Variants in U2SURP observed in about 807,000 individuals in gnomAD.
U2SURP encodes U2 snRNP associated SURP domain containing.
In U2SURP, 9 loss-of-function variants were observed where a neutral mutation model predicts 144.9. That is an observed-to-expected ratio of 0.06 (90% confidence interval 0.04 to 0.11). U2SURP has a LOEUF of 0.11. U2SURP is among the 10% of genes least tolerant of loss of function. The pLI is 1.00. For synonymous variants in U2SURP, 408 were observed against 396.8 expected (o/e 1.03, Z -0.33); for missense variants, 724 against 1,226.7 (o/e 0.59, Z 6.12).
At chr3:143,040,025 G>GT (rs1473317444) in intron 23 of U2SURP, among the ~76,000 whole-genome samples, 1 of 151,888 alleles carries the variant, frequency 6.6e-6, no homozygotes, top group African/African-American at 2.4e-5. Context: ...TAAAACAGTG[G>GT]TTTTCTGAAC....
chr3:143,009,682 T>G (rs1936022426), intron 1 of U2SURP, among the ~76,000 whole-genome samples: 1 of 152,150 alleles, frequency 6.6e-6, no homozygotes, highest in Non-Finnish European at 1.5e-5. Flanking sequence ...GATTTTTGCC[T>G]ATGCTAATGC....
Position 143,037,215 on chromosome 3 carries a change from G to A in U2SURP, c.2101G>A (p.Glu701Lys). The A allele has an allele frequency of 6.2e-7, 1 of 1,612,426 alleles. No homozygotes were observed. ...TGACCTTGATGGTGCCCCCATCGAGGAAGAGCTTGATGGTGCACCTCTGGA... is the reference window on the plus strand; with the variant it reads ...TGACCTTGATGGTGCCCCCATCGAGAAAGAGCTTGATGGTGCACCTCTGGA... The part of the protein sequence containing the change: ...PDDLDGAPIE[E>K]ELDGAPLEDV... The change falls in exon 21 of 28, where the codon GAA becomes AAA. Residue 701 changes from glutamate (E) to lysine (K), a missense_variant. Glu to Lys is a moderately conservative substitution (Grantham distance 56, BLOSUM62 1). This residue lies in a region of U2SURP where 116 missense variants were observed against 167.9 expected (regional missense o/e 0.69). Coordinates refer to ENST00000473835, the MANE Select transcript of U2SURP (RefSeq NM_001080415.2).
chr3:143,027,256 G>C lies in U2SURP; in HGVS notation c.1379+3G>C. The C allele has an allele frequency of 1.9e-6, 3 of 1,608,816 alleles. No homozygotes were observed. The highest frequency in any genetic ancestry group is 1.7e-6 in the Non-Finnish European group (2 of 1,176,684). ...GAAATCAACAATCCTATGTTCAGGTGTGCATTTTTTAAAAATTGTGAAATA... is the reference window on the plus strand; with the variant it reads ...GAAATCAACAATCCTATGTTCAGGTCTGCATTTTTTAAAAATTGTGAAATA... On this transcript the variant is annotated splice_donor_region_variant and intron_variant, in intron 14 of 27. Coordinates refer to ENST00000473835, the MANE Select transcript of U2SURP (RefSeq NM_001080415.2).
At position 143,048,762 on chromosome 3, in the gene U2SURP, G is replaced by C. The variant is rs575291647; in HGVS notation, c.2545-2177G>C. ...AAAATACAAAAATTAGTCAGGCATG[G>C]AGGCTGAGGCAGGAGAATTGCTTGA... On this transcript the variant is annotated intron_variant, in intron 24 of 27. Coordinates refer to ENST00000473835, the MANE Select transcript of U2SURP (RefSeq NM_001080415.2). Among the ~76,000 whole-genome samples, 12 of 151,832 alleles carry C rather than the reference G, an allele frequency of 7.9e-5. No individual in the cohort carries two copies. In the East Asian group the frequency reaches 2.3e-3, roughly 30 times the overall value.
At chr3:143,006,378 C>G (rs1327331123) in intron 1 of U2SURP, among the ~76,000 whole-genome samples, 2 of 152,140 alleles carry the variant, frequency 1.3e-5, no homozygotes, top group Non-Finnish European at 2.9e-5. Flanking sequence ...GGCACTTGTT[C>G]TGACAAGTCA....
At chr3:143,024,330 G>A (rs745670599) in intron 13 of U2SURP, among the ~76,000 whole-genome samples, 10 of 152,074 alleles carry the variant, frequency 6.6e-5, no homozygotes, top group Non-Finnish European at 1.2e-4. Context: ...TGTTTTAAGT[G>A]TGTCGTAAAT....
At chr3:143,021,313 TA>T (rs1441790760) in intron 8 of U2SURP, 36 bp from the exon 9 acceptor site, 3 of 1,562,346 alleles carry the variant, frequency 1.9e-6, no homozygotes, top group Non-Finnish European at 2.6e-6. Flanking sequence ...TACTGTATTA[TA>T]AAAACTAATA....
chr3:143,059,512 G>T lies in U2SURP; in HGVS notation c.*3062G>T, dbSNP rs1390169035. 1 of 151,858 alleles carries T rather than the reference G, an allele frequency of 6.6e-6. No individual in the cohort carries two copies. The highest frequency in any genetic ancestry group is 2.4e-5 in the African/African-American group (1 of 41,402). The allele number at this position is 151,858 out of a possible 1,614,324, so 9.4% of individuals were successfully genotyped here. ...TCTGTACACATTTGCCTCCATGGTGGCGTAAGTTCTGAAAAATTATATGAC... is the reference window on the plus strand; with the variant it reads ...TCTGTACACATTTGCCTCCATGGTGTCGTAAGTTCTGAAAAATTATATGAC... On this transcript the variant is annotated 3_prime_UTR_variant, in exon 28 of 28. Coordinates refer to ENST00000473835, the MANE Select transcript of U2SURP (RefSeq NM_001080415.2).
chr3:143,018,265 A>G (rs889662255), intron 6 of U2SURP, among the ~76,000 whole-genome samples: 2 of 151,502 alleles, frequency 1.3e-5, no homozygotes, highest in Admixed American at 6.6e-5. Flanking sequence ...TGATTTGTCT[A>G]TTCTGGACAT....
At chr3:143,023,241 A>T (rs1932935548) in intron 12 of U2SURP, 177 bp downstream of exon 12, 1 of 536,190 alleles carries the variant, frequency 1.9e-6, no homozygotes, top group Admixed American at 3.7e-5. Flanking sequence ...TTGAAATACT[A>T]GGTCATATTT....
intron 23 of U2SURP, among the ~76,000 whole-genome samples, chr3:143,040,766 A>T (rs1442270667): frequency 1.3e-5 from 2 of 151,862 alleles, no homozygotes; most frequent in Non-Finnish European, 3.0e-5. Context: ...TATAATAGCA[A>T]TTTAAAATAT....
At chr3:143,020,466 C>A (rs1212776980) in intron 7 of U2SURP, 133 bp from the exon 8 acceptor site, 5 of 647,674 alleles carry the variant, frequency 7.7e-6, no homozygotes, top group Admixed American at 5.4e-5. Context: ...ACCCTCTAAT[C>A]TTGGTTATCA....
chr3:143,010,420 A>C (rs768702196), intron 1 of U2SURP, among the ~76,000 whole-genome samples: 1 of 152,198 alleles, frequency 6.6e-6, no homozygotes, highest in Non-Finnish European at 1.5e-5. Context: ...TGATTAGAGA[A>C]AGAGAGTTCT....
At position 143,021,559 on chromosome 3, in the gene U2SURP, A is replaced by G. The variant is rs374344373; in HGVS notation, c.852+4A>G. The stretch of plus-strand genomic sequence containing the variant: ...CCTTGGAAACATTAATCCACAGGTA[A>G]TATTAAGTAAGATGAATGTTGATTG... On this transcript the variant is annotated splice_donor_region_variant and intron_variant, in intron 10 of 27. Transcript: ENST00000473835. 1.1e-5 allele frequency: 17 copies of G among 1,608,778 alleles called. No individual in the cohort carries two copies. The highest frequency in any genetic ancestry group is 1.4e-5 in the Non-Finnish European group (16 of 1,176,316).
chr3:143,030,445 T>G (rs1023828323), intron 16 of U2SURP, among the ~76,000 whole-genome samples: 1 of 152,228 alleles, frequency 6.6e-6, no homozygotes, highest in African/African-American at 2.4e-5. Context: ...ACTGAATATT[T>G]TAAGCCCACT....
intron 18 of U2SURP, among the ~76,000 whole-genome samples, chr3:143,033,946 T>G (rs1933657261): frequency 6.6e-6 from 1 of 152,218 alleles, no homozygotes; most frequent in Admixed American, 6.5e-5. Context: ...ATCTAGCTAT[T>G]CATATAATAA....
chr3:143,010,678 A>G, intron 1 of U2SURP, 137 bp from the exon 2 acceptor site: 1 of 507,544 alleles, frequency 2.0e-6, no homozygotes, highest in Non-Finnish European at 3.4e-6. Context: ...TAAGTCAGAG[A>G]CTGCCTTTGC....
intron 10 of U2SURP, 76 bp downstream of exon 10, chr3:143,021,631 CA>C (rs888609128): frequency 4.3e-6 from 6 of 1,400,326 alleles, no homozygotes; most frequent in Non-Finnish European, 5.9e-6. Flanking sequence ...CAAAAAAAAT[CA>C]AGATTCTGAA....
At chr3:143,003,884 G>T (rs1177660114) in intron 1 of U2SURP, among the ~76,000 whole-genome samples, 1 of 151,850 alleles carries the variant, frequency 6.6e-6, no homozygotes, top group Non-Finnish European at 1.5e-5. Context: ...TAGAGACGGG[G>T]TTTCACCATG....
Sources: allele counts gnomAD v4.1 joint callset (sites outside exome capture counted in the v4.1 genomes callset), GRCh38; gene constraint gnomAD v4.1.1; regional missense constraint gnomAD v4.1.1; transcripts MANE v1.5; gene names NCBI Gene and HGNC (gene_info 2026-07-23, HGNC 2026-07-21).